Variants in ROCK2 observed in about 807,000 individuals in gnomAD.
ROCK2 encodes rho-associated protein kinase 2.
Under a neutral mutation model 195.1 loss-of-function variants are expected in ROCK2, and 61 were observed. The observed-to-expected ratio is 0.31, with a 90% CI of 0.25 to 0.39. ROCK2 has a LOEUF of 0.39. Ranked by LOEUF, ROCK2 falls within the 10% of genes least tolerant of loss-of-function variation. The pLI is 1.00. For synonymous variants in ROCK2, 504 were observed against 545.5 expected (o/e 0.92, Z 1.06); for missense variants, 1,109 against 1,637.4 (o/e 0.68, Z 5.57).
At chr2:11,188,985 C>T (rs1250276111) in intron 32 of ROCK2, among the ~76,000 whole-genome samples, 1 of 150,748 alleles carries the variant, frequency 6.6e-6, no homozygotes, top group African/African-American at 2.4e-5. Flanking sequence ...TAGGGTGAAC[C>T]GAGATCACGC....
intron 1 of ROCK2, among the ~76,000 whole-genome samples, chr2:11,290,218 C>T (rs1444176746): frequency 1.3e-5 from 2 of 152,110 alleles, no homozygotes; most frequent in African/African-American, 4.8e-5. Flanking sequence ...ATTGAAAGCC[C>T]ATGTCTGTGA....
At chr2:11,303,699 A>T (rs1324255564) in intron 1 of ROCK2, among the ~76,000 whole-genome samples, 1 of 152,088 alleles carries the variant, frequency 6.6e-6, no homozygotes, top group East Asian at 1.9e-4. Context: ...AGAAATACCT[A>T]TTCTAGCTGT....
intron 1 of ROCK2, among the ~76,000 whole-genome samples, chr2:11,341,598 T>C (rs528032814): frequency 1.8e-4 from 28 of 152,358 alleles, no homozygotes; most frequent in Admixed American, 1.4e-3. Flanking sequence ...CTTAGGTATA[T>C]ACTATTTTTA....
At chr2:11,311,767 G>GCACA (rs72036284) in intron 1 of ROCK2, among the ~76,000 whole-genome samples, 10 of 150,290 alleles carry the variant, frequency 6.7e-5, no homozygotes, top group East Asian at 3.9e-4. Flanking sequence ...ACACGCGCGT[G>GCACA]CACACACACA....
At chr2:11,190,969 C>T (rs1663401022) in intron 32 of ROCK2, among the ~76,000 whole-genome samples, 1 of 152,094 alleles carries the variant, frequency 6.6e-6, no homozygotes, top group East Asian at 1.9e-4. Flanking sequence ...AAATATTCAA[C>T]ATTTTCACTG....
intron 30 of ROCK2, 52 bp downstream of exon 30, chr2:11,193,727 G>T: frequency 9.1e-7 from 1 of 1,100,416 alleles, no homozygotes. Flanking sequence ...TTCTAAATGT[G>T]AAAAAAACAA....
intron 1 of ROCK2, among the ~76,000 whole-genome samples, chr2:11,332,650 G>A (rs1046401587): frequency 1.3e-5 from 2 of 152,208 alleles, no homozygotes; most frequent in Non-Finnish European, 2.9e-5. Flanking sequence ...TAGTGAGAAT[G>A]TAAAATGGTA....
intron 3 of ROCK2, among the ~76,000 whole-genome samples, chr2:11,253,263 C>A (rs1030194482): frequency 8.5e-5 from 13 of 152,160 alleles, no homozygotes; most frequent in African/African-American, 3.1e-4. Context: ...TAAATCTTGT[C>A]ATTTTCTTCC....
chr2:11,269,595 TTTG>T (rs1666552532), intron 3 of ROCK2, among the ~76,000 whole-genome samples: 2 of 152,222 alleles, frequency 1.3e-5, no homozygotes, highest in Admixed American at 6.5e-5. Context: ...TTGATTTGTT[TTTG>T]TTTTCTTTGA....
chr2:11,302,037 C>A (rs184808131), intron 1 of ROCK2, among the ~76,000 whole-genome samples: 13 of 152,042 alleles, frequency 8.6e-5, no homozygotes, highest in Non-Finnish European at 1.5e-4. Context: ...AATTCCAGAC[C>A]ACAGGTGATC....
intron 1 of ROCK2, among the ~76,000 whole-genome samples, chr2:11,288,318 T>C (rs1017638741): frequency 5.3e-5 from 8 of 152,172 alleles, no homozygotes; most frequent in Non-Finnish European, 8.8e-5. Flanking sequence ...AAAAACTATA[T>C]ACACATAATG....
intron 32 of ROCK2, among the ~76,000 whole-genome samples, chr2:11,184,355 TCTC>T (rs1450439269): frequency 6.6e-6 from 1 of 152,220 alleles, no homozygotes. Flanking sequence ...AAATTTTACT[TCTC>T]TTCTGAATAT....
At chr2:11,296,005 G>GAGGAGAGAGAGAGAGAGGGGAGA in intron 1 of ROCK2, among the ~76,000 whole-genome samples, 1 of 10,342 alleles carries the variant, frequency 9.7e-5, no homozygotes, top group Admixed American at 2.3e-3. Context: ...GAGAGAGAGA[G>GAGGAGAGAGAGAGAGAGGGGAGA]GAGAGAGAGA....
Position 11,194,980 on chromosome 2 carries a change from G to T in ROCK2, c.3494C>A (p.Thr1165Asn). The T allele has an allele frequency of 6.3e-7, 1 of 1,581,062 alleles. No individual in the cohort carries two copies. The highest frequency in any genetic ancestry group is 1.4e-5 in the African/African-American group (1 of 73,936). The part of the protein sequence containing the change: ...GWLSLPVRNN[T>N]KKFGWVKKYV... ...CTTTTTAACCCATCCAAATTTCTTAGTGTTGTTTCGTACAGGCAATGAAAG... is the reference window on the plus strand; with the variant it reads ...CTTTTTAACCCATCCAAATTTCTTATTGTTGTTTCGTACAGGCAATGAAAG... Residue 1165 changes from threonine to asparagine, a missense_variant, in exon 28 of 33, where the codon ACT becomes AAT. Coordinates refer to ENST00000315872, the MANE Select transcript of ROCK2 (RefSeq NM_004850.5).
rs950053317 is a variant in ROCK2, at chr2:11,180,057, G to A, written c.*3380C>T. On this transcript the variant is annotated 3_prime_UTR_variant, in exon 33 of 33. Transcript: ENST00000315872. ...CTTATGTTCAAAGTGCTTACAAATG[G>A]TGTCTTCACAGCATAGGGAAGCTGA... 3 of 152,040 alleles carry A rather than the reference G, an allele frequency of 2.0e-5. No individual in the cohort carries two copies. The highest frequency in any genetic ancestry group is 2.4e-5 in the African/African-American group (1 of 41,370). 9.4% of individuals were successfully genotyped at this position (152,040 alleles called of 1,614,324 possible).
At chr2:11,267,770 C>T (rs963430630) in intron 3 of ROCK2, among the ~76,000 whole-genome samples, 7 of 147,740 alleles carry the variant, frequency 4.7e-5, no homozygotes, top group Admixed American at 3.4e-4. Flanking sequence ...GGCACGATCT[C>T]GGCTCGCTGG....
In ROCK2 at chr2:11,296,052, A is replaced by AGAG. The variant is rs1558370127; in HGVS notation, c.142-8317_142-8316insCTC. 2.8e-3 allele frequency among the ~76,000 whole-genome samples: 132 copies of AGAG among 47,760 alleles called. 2 individuals carry two copies. The highest frequency in any genetic ancestry group is 4.6e-3 in the Non-Finnish European group (109 of 23,580). 31.3% of individuals were successfully genotyped at this position (47,760 alleles called of 152,430 possible). ...AGAGAGAGAGAGAGAGAGAGAGAGAAAACAAAGGGTCTCAAAGCAGAATAA... is the reference window on the plus strand; with the variant it reads ...AGAGAGAGAGAGAGAGAGAGAGAGAAGAGAACAAAGGGTCTCAAAGCAGAATAA... On this transcript the variant is annotated intron_variant, in intron 1 of 32. Transcript: ENST00000315872.
intron 3 of ROCK2, among the ~76,000 whole-genome samples, chr2:11,251,213 TTTC>T (rs1665819918): frequency 6.6e-6 from 1 of 152,222 alleles, no homozygotes; most frequent in Non-Finnish European, 1.5e-5. Flanking sequence ...TTATCACCTA[TTTC>T]TCAGCACCAG....
chr2:11,256,293 CTTG>C (rs1666032022), intron 3 of ROCK2, among the ~76,000 whole-genome samples: 1 of 151,144 alleles, frequency 6.6e-6, no homozygotes, highest in African/African-American at 2.5e-5. Flanking sequence ...GGACTTCCCC[CTTG>C]TTGTTCTCCT....
Sources: allele counts gnomAD v4.1 joint callset (sites outside exome capture counted in the v4.1 genomes callset), GRCh38; gene constraint gnomAD v4.1.1; transcripts MANE v1.5; gene names NCBI Gene and HGNC (gene_info 2026-07-23, HGNC 2026-07-21).